NCALD: variants seen among roughly 807,000 people sequenced by gnomAD.
NCALD encodes neurocalcin-delta.
In NCALD, 10 loss-of-function variants were observed where a neutral mutation model predicts 18.6. The ratio of observed to expected loss-of-function variants is 0.54; its 90% CI spans 0.33 to 0.91. The LOEUF (loss-of-function observed/expected upper bound fraction) is 0.91. NCALD is among the 40% of genes least tolerant of loss of function. The pLI is 0.03. For synonymous variants in NCALD, 88 were observed against 87.4 expected (o/e 1.01, Z -0.04); for missense variants, 184 against 247.6 (o/e 0.74, Z 1.72).
At chr8:102,034,015 T>TACACACACACACACACAC (rs34381236) in intron 1 of NCALD, among the ~76,000 whole-genome samples, 9 of 147,994 alleles carry the variant, frequency 6.1e-5, no homozygotes, top group African/African-American at 2.2e-4. Context: ...TCCCTCTAAA[T>TACACACACACACACACAC]ACACACACAC....
At chr8:101,853,532 G>A (rs1586635249) in intron 4 of NCALD, among the ~76,000 whole-genome samples, 1 of 152,098 alleles carries the variant, frequency 6.6e-6, no homozygotes, top group African/African-American at 2.4e-5. Flanking sequence ...ATTTCTTTCT[G>A]GTGTTAATAA....
intron 1 of NCALD, among the ~76,000 whole-genome samples, chr8:101,762,727 C>T (rs1033834843): frequency 1.3e-5 from 2 of 152,118 alleles, no homozygotes; most frequent in Admixed American, 6.5e-5. Flanking sequence ...GCGCTTGCCA[C>T]CACGCCTGGC....
At chr8:101,799,730 G>A (rs546304589) in intron 4 of NCALD, among the ~76,000 whole-genome samples, 10 of 152,204 alleles carry the variant, frequency 6.6e-5, no homozygotes, top group East Asian at 5.8e-4. Flanking sequence ...CAAAATTATC[G>A]AAATAAAAAA....
At chr8:101,838,917 G>C (rs1268695269) in intron 4 of NCALD, among the ~76,000 whole-genome samples, 1 of 152,202 alleles carries the variant, frequency 6.6e-6, no homozygotes, top group African/African-American at 2.4e-5. Flanking sequence ...GCAGAGACTT[G>C]AGATGTTTTT....
intron 4 of NCALD, among the ~76,000 whole-genome samples, chr8:101,805,884 A>G (rs1312841423): frequency 6.6e-6 from 1 of 152,210 alleles, no homozygotes; most frequent in African/African-American, 2.4e-5. Context: ...CCAGAACTTC[A>G]CTGGATGAAT....
chr8:102,054,532 G>A (rs181083774), intron 1 of NCALD, among the ~76,000 whole-genome samples: 61 of 152,080 alleles, frequency 4.0e-4, no homozygotes, highest in Non-Finnish European at 6.9e-4. Flanking sequence ...GAGGTCCCCC[G>A]AGAAAGAATT....
At chr8:101,889,921 GA>G (rs909271300) in intron 3 of NCALD, among the ~76,000 whole-genome samples, 27 of 152,298 alleles carry the variant, frequency 1.8e-4, no homozygotes, top group African/African-American at 6.5e-4. Flanking sequence ...ACTTTTAGAA[GA>G]AAATACAGGG....
chr8:101,960,468 T>C (rs1312768335), intron 2 of NCALD, among the ~76,000 whole-genome samples: 4 of 152,204 alleles, frequency 2.6e-5, no homozygotes, highest in Admixed American at 2.0e-4. Flanking sequence ...ATTACTGTTT[T>C]ACAAGTAGGA....
intron 1 of NCALD, among the ~76,000 whole-genome samples, chr8:102,106,460 T>C (rs1486063533): frequency 4.2e-5 from 6 of 141,686 alleles, no homozygotes; most frequent in African/African-American, 1.6e-4. Flanking sequence ...TATATATATA[T>C]ATATATACAC....
At chr8:101,980,324 G>C (rs541270502) in intron 2 of NCALD, among the ~76,000 whole-genome samples, 1 of 152,300 alleles carries the variant, frequency 6.6e-6, no homozygotes, top group South Asian at 2.1e-4. Context: ...TTACTGAAGG[G>C]GGAGGCATGC....
intron 1 of NCALD, among the ~76,000 whole-genome samples, chr8:101,775,531 A>G (rs981120847): frequency 6.6e-6 from 1 of 152,184 alleles, no homozygotes. Context: ...TCTTTCAACC[A>G]CACTGCTGTG....
At chr8:101,767,680 T>C (rs549062370) in intron 1 of NCALD, among the ~76,000 whole-genome samples, 3 of 152,352 alleles carry the variant, frequency 2.0e-5, no homozygotes, top group African/African-American at 7.2e-5. Flanking sequence ...ATGTTGGGAT[T>C]TGCCCAGGTT....
chr8:101,762,784 G>A (rs1488384962), intron 1 of NCALD, among the ~76,000 whole-genome samples: 2 of 152,042 alleles, frequency 1.3e-5, no homozygotes, highest in African/African-American at 4.8e-5. Context: ...ATGTTGACCA[G>A]GCTGGTCTTG....
intron 2 of NCALD, among the ~76,000 whole-genome samples, chr8:101,934,362 G>A (rs1053004918): frequency 1.3e-4 from 20 of 152,090 alleles, no homozygotes; most frequent in African/African-American, 4.3e-4. Flanking sequence ...AGAATTCCAG[G>A]TACACGAAAT....
At chr8:101,870,537 C>A (rs1036129446) in intron 4 of NCALD, among the ~76,000 whole-genome samples, 5 of 152,138 alleles carry the variant, frequency 3.3e-5, no homozygotes, top group Non-Finnish European at 7.4e-5. Context: ...AGGAACCAGG[C>A]AAGGGTAGCA....
At chr8:101,804,686 T>TACC (rs1250317605) in intron 4 of NCALD, among the ~76,000 whole-genome samples, 9 of 69,594 alleles carry the variant, frequency 1.3e-4, no homozygotes, top group Admixed American at 7.4e-4. Flanking sequence ...AATTAATAAA[T>TACC]TAATACCTAA....
chr8:101,831,306 A>G (rs981742928), intron 4 of NCALD, among the ~76,000 whole-genome samples: 4 of 152,198 alleles, frequency 2.6e-5, no homozygotes, highest in African/African-American at 9.6e-5. Context: ...AGAATGGTCT[A>G]TAAATCATGA....
chr8:101,740,427 C>G (rs918515418), intron 1 of NCALD, among the ~76,000 whole-genome samples: 26 of 152,212 alleles, frequency 1.7e-4, no homozygotes, highest in Non-Finnish European at 2.2e-4. Flanking sequence ...ACGGGCTTAC[C>G]CAAGGTTTTA....
intron 2 of NCALD, among the ~76,000 whole-genome samples, chr8:101,967,400 G>C (rs1051096935): frequency 6.6e-6 from 1 of 152,152 alleles, no homozygotes; most frequent in Admixed American, 6.5e-5. Context: ...ATGAATCCAA[G>C]ATCAATTCCT....
Sources: allele counts gnomAD v4.1 joint callset (sites outside exome capture counted in the v4.1 genomes callset), GRCh38; gene constraint gnomAD v4.1.1; transcripts MANE v1.5; gene names NCBI Gene and HGNC (gene_info 2026-07-23, HGNC 2026-07-21).